Variants in NMRAL1 observed in about 807,000 individuals in gnomAD.
The protein encoded by NMRAL1 is nmrA-like family domain-containing protein 1.
In NMRAL1, 32 loss-of-function variants were observed where a neutral mutation model predicts 27.5. The observed-to-expected ratio is 1.16, with a 90% CI of 0.88 to 1.56. The LOEUF (loss-of-function observed/expected upper bound fraction) is 1.56. Among genes scored for constraint, NMRAL1 ranks in the 40% most tolerant of loss-of-function variants. NMRAL1 has a pLI of 0.00. For synonymous variants in NMRAL1, 166 were observed against 166.8 expected (o/e 1.00, Z 0.04); for missense variants, 420 against 392.0 (o/e 1.07, Z -0.60).
chr16:4,463,134 C>A (rs902909378), intron 5 of NMRAL1, among the ~76,000 whole-genome samples: 1 of 152,078 alleles, frequency 6.6e-6, no homozygotes. Context: ...GGATTACAGG[C>A]GTGAGCTACT....
At chr16:4,473,672 A>G (rs528390070) in intron 2 of NMRAL1, among the ~76,000 whole-genome samples, 1 of 152,054 alleles carries the variant, frequency 6.6e-6, no homozygotes, top group South Asian at 2.1e-4. Flanking sequence ...CATGCCTGTA[A>G]TACCTGCACT....
Position 4,466,334 on chromosome 16 carries a change from G to T in NMRAL1, c.348C>A (p.Asn116Lys). 6.2e-7 allele frequency: 1 copy of T among 1,613,920 alleles called. No homozygotes were observed. The highest frequency in any genetic ancestry group is 8.5e-7 in the Non-Finnish European group (1 of 1,180,028). ...ATCTCCCTGCCGTCAGCTTCTTGATGTTCTCCAGGCCGCTGTAGACCACAT... is the reference window on the plus strand; with the variant it reads ...ATCTCCCTGCCGTCAGCTTCTTGATTTTCTCCAGGCCGCTGTAGACCACAT... ...LHYVVYSGLE[N>K]IKKLTAGRLA... Residue 116 changes from asparagine (N) to lysine (K), a missense_variant, in exon 4 of 6, where the codon AAC becomes AAA. Coordinates refer to ENST00000283429, the MANE Select transcript of NMRAL1 (RefSeq NM_020677.6).
chr16:4,463,164 C>A (rs533719481), intron 5 of NMRAL1, among the ~76,000 whole-genome samples: 164 of 152,276 alleles, frequency 1.1e-3, no homozygotes, highest in African/African-American at 3.9e-3. Context: ...CTCCCAGATT[C>A]TTTAATGAGT....
intron 4 of NMRAL1, among the ~76,000 whole-genome samples, chr16:4,464,631 T>A (rs4786496): frequency 1.4e-5 from 2 of 140,964 alleles, no homozygotes; most frequent in Non-Finnish European, 1.6e-5. Context: ...TTTTTTTTTT[T>A]TGAGATGGAG....
chr16:4,462,215 ATGCCCGTAATCCCT>A (rs2057138417), intron 5 of NMRAL1, among the ~76,000 whole-genome samples: 3 of 152,242 alleles, frequency 2.0e-5, no homozygotes, highest in Non-Finnish European at 4.4e-5. Flanking sequence ...GCTGTGGCTC[ATGCCCGTAATCCCT>A]GCACTTTGGG....
intron 2 of NMRAL1, among the ~76,000 whole-genome samples, chr16:4,472,788 A>T (rs1027963454): frequency 6.6e-6 from 1 of 151,906 alleles, no homozygotes. Context: ...ACACTACAAC[A>T]TGAACAAACC....
At chr16:4,468,430 A>C (rs2057413148) in intron 3 of NMRAL1, among the ~76,000 whole-genome samples, 1 of 152,152 alleles carries the variant, frequency 6.6e-6, no homozygotes, top group South Asian at 2.1e-4. Context: ...AGCCTGGCCA[A>C]CATGGTGAAA....
At chr16:4,466,460 C>A in intron 3 of NMRAL1, 58 bp from the exon 4 acceptor site, 1 of 1,566,926 alleles carries the variant, frequency 6.4e-7, no homozygotes. Context: ...TGTCCCTGGT[C>A]ACAGCCCCAG....
intron 2 of NMRAL1, among the ~76,000 whole-genome samples, chr16:4,473,768 A>G (rs887517400): frequency 1.3e-5 from 2 of 152,074 alleles, no homozygotes; most frequent in African/African-American, 2.4e-5. Flanking sequence ...TCTACTAAAA[A>G]TACAAAAATT....
At position 4,466,177 on chromosome 16, in the gene NMRAL1, G is replaced by C. The variant is rs748608257; in HGVS notation, c.505C>G (p.Pro169Ala). The C allele has an allele frequency of 1.2e-5, 19 of 1,614,054 alleles. No individual in the cohort carries two copies. In the East Asian group the frequency reaches 3.8e-4, roughly 32 times the overall value. ...CTCAGCAAGTAGCTCTTTCCGTCTG[G>C]GGCTTTCTGGGGCAAGAAGTGGGAG... ...LLSHFLPQKA[P>A]DGKSYLLSLP... The change falls in exon 4 of 6, where the codon CCA (proline) becomes GCA (alanine). Residue 169 changes from proline (P) to alanine (A), a missense_variant. Coordinates refer to ENST00000283429, the MANE Select transcript of NMRAL1 (RefSeq NM_020677.6).
At chr16:4,472,649 C>G (rs1324452299) in intron 2 of NMRAL1, among the ~76,000 whole-genome samples, 1 of 150,018 alleles carries the variant, frequency 6.7e-6, no homozygotes, top group African/African-American at 2.5e-5. Flanking sequence ...GAGGGTGAGA[C>G]AGGAGAATCG....
chr16:4,462,027 C>G lies in NMRAL1; in HGVS notation c.721-68G>C. 1.4e-6 allele frequency: 2 copies of G among 1,400,100 alleles called. 1 individual carries two copies. The highest frequency in any genetic ancestry group is 2.6e-5 in the South Asian group (2 of 77,444). 86.7% of individuals were successfully genotyped at this position (1,400,100 alleles called of 1,614,324 possible). ...CCCGGGAGGTGGCGGGGCAGGGAGG[C>G]CGGATGGGCTGGGGTCTCCCGACCT... is the stretch of plus-strand genomic sequence containing the variant. On this transcript the variant is annotated intron_variant, in intron 5 of 5. Coordinates refer to ENST00000283429, the MANE Select transcript of NMRAL1 (RefSeq NM_020677.6).
intron 3 of NMRAL1, 49 bp downstream of exon 3, chr16:4,469,178 T>C (rs765276728): frequency 1.5e-6 from 2 of 1,348,254 alleles, no homozygotes; most frequent in Non-Finnish European, 2.1e-6. Context: ...TCCCAGGCGC[T>C]CTGCTCCTAG....
rs145081403 is a variant in NMRAL1, at chr16:4,461,789, G to C, written c.891C>G (p.Asn297Lys). The C allele has an allele frequency of 2.7e-5, 43 of 1,612,102 alleles. No individual in the cohort carries two copies. Among genetic ancestry groups the C allele is most frequent in the Non-Finnish European group, 3.3e-5 (39 of 1,179,262 alleles). ...CCGCGAGGCGGGCAGGTCACAGCAG[G>C]TTGAAGTCCCCTTTGTGCTGTTCCA... Reference protein sequence around the residue: ...QWLEQHKGDFNLL With the variant: ...QWLEQHKGDFKLL The change falls in exon 6 of 6, where the codon AAC becomes AAG. Residue 297 changes from asparagine (N) to lysine (K), a missense_variant. By Grantham distance (94) the Asn-to-Lys change is moderately conservative. Transcript: ENST00000283429.
chr16:4,472,951 CTG>C (rs1470923552), intron 2 of NMRAL1, among the ~76,000 whole-genome samples: 2 of 149,328 alleles, frequency 1.3e-5, no homozygotes, highest in African/African-American at 2.5e-5. Context: ...TGGGGAGTAA[CTG>C]TTCACGGGTT....
intron 2 of NMRAL1, chr16:4,469,731 A>G (rs1020355581): frequency 1.1e-5 from 6 of 556,498 alleles, no homozygotes; most frequent in Non-Finnish European, 1.5e-5. Context: ...GCTGGGTGTG[A>G]AGGCACATGC....
In NMRAL1 at chr16:4,470,300, G is replaced by C. The variant is rs537947319; in HGVS notation, c.41-835C>G. Among the ~76,000 whole-genome samples, 5 of 150,624 alleles carry C rather than the reference G, an allele frequency of 3.3e-5. No homozygotes were observed. In the South Asian group the frequency reaches 1.1e-3, roughly 32 times the overall value. ...GCCCGACCAACATGGAGAAACCACT[G>C]TCTCTACTAAAAATACAAAATTAGC... On this transcript the variant is annotated intron_variant, in intron 2 of 5. Coordinates refer to ENST00000283429, the MANE Select transcript of NMRAL1 (RefSeq NM_020677.6).
intron 3 of NMRAL1, among the ~76,000 whole-genome samples, chr16:4,468,213 A>C (rs1358162696): frequency 6.6e-6 from 1 of 152,144 alleles, no homozygotes; most frequent in East Asian, 1.9e-4. Flanking sequence ...GGGGCAGGAG[A>C]ATAACTTGAA....
chr16:4,474,237 C>A, intron 1 of NMRAL1, 71 bp from the exon 2 acceptor site: 1 of 1,159,168 alleles, frequency 8.6e-7, no homozygotes, highest in Non-Finnish European at 1.3e-6. Context: ...AAGGACACCC[C>A]CATTGTCTAT....
Sources: allele counts gnomAD v4.1 joint callset (sites outside exome capture counted in the v4.1 genomes callset), GRCh38; gene constraint gnomAD v4.1.1; transcripts MANE v1.5; gene names NCBI Gene and HGNC (gene_info 2026-07-23, HGNC 2026-07-21).